DOCK7: variants seen among roughly 807,000 people sequenced by gnomAD.
DOCK7 encodes the protein dedicator of cytokinesis 7, also known as dedicator of cytokinesis protein 7.
Under a neutral mutation model 271.0 loss-of-function variants are expected in DOCK7, and 138 were observed. That is an observed-to-expected ratio of 0.51 (90% CI 0.44 to 0.59). The LOEUF (loss-of-function observed/expected upper bound fraction) is 0.59, where lower values mean the gene tolerates loss of function less well. Among genes scored for constraint, DOCK7 ranks in the 20% least tolerant of loss-of-function variants. DOCK7 has a pLI of 0.00. For synonymous variants in DOCK7, 823 were observed against 876.1 expected (o/e 0.94, Z 1.07); for missense variants, 2,066 against 2,592.4 (o/e 0.80, Z 4.41).
intron 42 of DOCK7, chr1:62,488,617 T>C (rs190680564): frequency 9.2e-5 from 24 of 260,340 alleles, no homozygotes; most frequent in Admixed American, 5.8e-4. Context: ...GTATCAATTT[T>C]AAAATGAGAT....
chr1:62,660,274 G>C (rs1658515753), intron 2 of DOCK7, among the ~76,000 whole-genome samples: 1 of 151,986 alleles, frequency 6.6e-6, no homozygotes, highest in African/African-American at 2.4e-5. Context: ...AAAGATAATA[G>C]GAAAATCTTC....
In DOCK7 at chr1:62,539,595, C is replaced by G; in HGVS notation, c.3250G>C (p.Val1084Leu). The G allele has an allele frequency of 6.2e-7, 1 of 1,613,956 alleles. No homozygotes were observed. The highest frequency in any genetic ancestry group is 8.5e-7 in the Non-Finnish European group (1 of 1,179,934). The change falls in exon 27 of 50, where the codon GTT (valine) becomes CTT (leucine). Residue 1084 changes from valine (V) to leucine (L), a missense_variant. Coordinates refer to ENST00000635253, the MANE Select transcript of DOCK7 (RefSeq NM_001367561.1). ...LAFFLNDLLS[V>L]MDRGFVFSLI... ...CTAAAAACAAATCCTCTGTCCATAA[C>G]AGACAACAGATCATTGAGAAAGAAT...
chr1:62,481,870 A>C (rs1403589061), intron 43 of DOCK7: 1 of 152,190 alleles, frequency 6.6e-6, no homozygotes, highest in African/African-American at 2.4e-5. Context: ...TCATTTCTCT[A>C]ACTTCTTTTA....
At chr1:62,584,983 C>T (rs1647327248) in intron 15 of DOCK7, 1 of 540,296 alleles carries the variant, frequency 1.9e-6, no homozygotes, top group East Asian at 3.1e-5. Flanking sequence ...TGCTCAAATT[C>T]ATATGGCAAC....
intron 2 of DOCK7, among the ~76,000 whole-genome samples, chr1:62,655,163 T>G (rs1359589805): frequency 6.6e-6 from 1 of 152,204 alleles, no homozygotes. Flanking sequence ...GGTAGCATTC[T>G]TCAGCCAAGT....
intron 1 of DOCK7, among the ~76,000 whole-genome samples, chr1:62,664,174 G>A (rs1291857102): frequency 2.0e-5 from 3 of 152,136 alleles, no homozygotes. Context: ...CTAGAGTGGG[G>A]ACAAGAAAGG....
intron 37 of DOCK7, among the ~76,000 whole-genome samples, chr1:62,496,980 C>A (rs1373033602): frequency 2.6e-5 from 4 of 152,038 alleles, no homozygotes; most frequent in African/African-American, 9.7e-5. Context: ...TTATAACTTA[C>A]ATTCTTCCTT....
At chr1:62,625,162 C>A (rs1653780886) in intron 12 of DOCK7, 97 bp downstream of exon 12, 8 of 1,078,962 alleles carry the variant, frequency 7.4e-6, no homozygotes, top group Non-Finnish European at 9.0e-6. Flanking sequence ...CTTGGAATCA[C>A]CCTCCCATAC....
intron 48 of DOCK7, 40 bp from the exon 49 acceptor site, chr1:62,457,745 A>C: frequency 6.3e-7 from 1 of 1,596,690 alleles, no homozygotes; most frequent in South Asian, 1.1e-5. Flanking sequence ...TACTTCTGGC[A>C]TAGTTTGTGG....
chr1:62,613,006 A>G (rs1248387081), intron 14 of DOCK7, among the ~76,000 whole-genome samples: 1 of 152,232 alleles, frequency 6.6e-6, no homozygotes, highest in African/African-American at 2.4e-5. Flanking sequence ...CATTTGCTCA[A>G]TTAATGTACC....
intron 14 of DOCK7, among the ~76,000 whole-genome samples, chr1:62,611,741 T>C (rs1307504515): frequency 3.9e-5 from 6 of 152,130 alleles, no homozygotes; most frequent in African/African-American, 1.4e-4. Flanking sequence ...AAAAAAAATT[T>C]AATCAGTATA....
At chr1:62,537,066 G>T (rs1419905357) in intron 28 of DOCK7, among the ~76,000 whole-genome samples, 1 of 152,130 alleles carries the variant, frequency 6.6e-6, no homozygotes, top group Non-Finnish European at 1.5e-5. Context: ...GCTTTGTCAT[G>T]CCTCCACTGC....
chr1:62,516,515 G>A (rs1644666324), intron 31 of DOCK7, among the ~76,000 whole-genome samples: 1 of 152,150 alleles, frequency 6.6e-6, no homozygotes, highest in Admixed American at 6.5e-5. Flanking sequence ...GAGAAGGGAT[G>A]ACCTCTAGAA....
At chr1:62,680,905 G>A (rs1393519806) in intron 1 of DOCK7, among the ~76,000 whole-genome samples, 1 of 152,128 alleles carries the variant, frequency 6.6e-6, no homozygotes, top group Non-Finnish European at 1.5e-5. Flanking sequence ...GAGAGGATGT[G>A]GAGAAATAGG....
intron 43 of DOCK7, chr1:62,486,912 T>A (rs1366082418): frequency 6.6e-6 from 1 of 152,280 alleles, no homozygotes; most frequent in Non-Finnish European, 1.5e-5. Flanking sequence ...TATCCTGGTT[T>A]AATACACAGG....
intron 12 of DOCK7, among the ~76,000 whole-genome samples, chr1:62,621,677 T>C (rs1011906969): frequency 2.6e-5 from 4 of 152,224 alleles, no homozygotes; most frequent in African/African-American, 7.2e-5. Context: ...AAAAAGCTTT[T>C]AGTTTTATTG....
chr1:62,597,764 C>A (rs779071619), intron 14 of DOCK7: 2 of 1,613,368 alleles, frequency 1.2e-6, no homozygotes, highest in Non-Finnish European at 1.7e-6. Context: ...AGACGAAGGG[C>A]CAAATTAATG....
chr1:62,494,504 C>A, intron 39 of DOCK7, 37 bp from the exon 40 acceptor site: 1 of 1,559,962 alleles, frequency 6.4e-7, no homozygotes. Flanking sequence ...TTAGTATGTG[C>A]TTCCCAAGCT....
At chr1:62,647,899 G>A in intron 6 of DOCK7, 123 bp from the exon 7 acceptor site, 1 of 858,262 alleles carries the variant, frequency 1.2e-6, no homozygotes, top group Non-Finnish European at 1.9e-6. Flanking sequence ...AGAGAAGAAT[G>A]ACCTATTTAT....
Sources: allele counts gnomAD v4.1 joint callset (sites outside exome capture counted in the v4.1 genomes callset), GRCh38; gene constraint gnomAD v4.1.1; transcripts MANE v1.5; gene names NCBI Gene and HGNC (gene_info 2026-07-23, HGNC 2026-07-21).